Variants in SUGCT observed in about 807,000 individuals in gnomAD.
The protein encoded by SUGCT is succinyl-CoA:glutarate-CoA transferase, also known as succinyl-CoA:glutarate CoA-transferase.
SUGCT carries 41 observed loss-of-function variants against 55.0 expected under a neutral mutation model. The observed-to-expected ratio is 0.74, with a 90% CI of 0.58 to 0.97. SUGCT has a LOEUF of 0.97. Among genes scored for constraint, SUGCT ranks in the 50% least tolerant of loss-of-function variants. SUGCT has a pLI of 0.00. For synonymous variants in SUGCT, 187 were observed against 200.4 expected (o/e 0.93, Z 0.56); for missense variants, 568 against 547.8 (o/e 1.04, Z -0.37).
intron 8 of SUGCT, among the ~76,000 whole-genome samples, chr7:40,290,049 A>C (rs1456306196): frequency 6.6e-6 from 1 of 152,154 alleles, no homozygotes; most frequent in Non-Finnish European, 1.5e-5. Flanking sequence ...ATGGATAGGA[A>C]GAATCAATAT....
the SUGCT span, among the ~76,000 whole-genome samples, chr7:40,954,054 A>T: frequency 6.6e-6 from 1 of 152,178 alleles, no homozygotes; most frequent in Non-Finnish European, 1.5e-5. Flanking sequence ...CTAGAGGTGG[A>T]GTCTACAGAG....
intron 9 of SUGCT, among the ~76,000 whole-genome samples, chr7:40,327,417 G>C (rs542707357): frequency 6.6e-6 from 1 of 152,328 alleles, no homozygotes; most frequent in South Asian, 2.1e-4. Flanking sequence ...TCTTAGGAAA[G>C]ATTTGGCTGT....
chr7:40,810,922 T>G (rs1207861850), intron 13 of SUGCT, among the ~76,000 whole-genome samples: 1 of 152,340 alleles, frequency 6.6e-6, no homozygotes, highest in African/African-American at 2.4e-5. Flanking sequence ...TAATCCATCT[T>G]GAGTTAATTT....
At chr7:40,991,259 G>C in the SUGCT span, among the ~76,000 whole-genome samples, 1 of 152,156 alleles carries the variant, frequency 6.6e-6, no homozygotes, top group Non-Finnish European at 1.5e-5. Flanking sequence ...GGAGAATGCT[G>C]GTTGGTGGAG....
chr7:40,387,108 A>G (rs1044224244), intron 9 of SUGCT, among the ~76,000 whole-genome samples: 1 of 152,206 alleles, frequency 6.6e-6, no homozygotes, highest in Admixed American at 6.5e-5. Flanking sequence ...CTCTCTTCTC[A>G]GGAGGTAGGA....
chr7:40,624,216 C>T (rs1472011123), intron 12 of SUGCT, among the ~76,000 whole-genome samples: 1 of 152,134 alleles, frequency 6.6e-6, no homozygotes, highest in Non-Finnish European at 1.5e-5. Flanking sequence ...CCTCCTCCCC[C>T]AGTATCTTCC....
At chr7:40,394,055 A>G (rs1436333877) in intron 9 of SUGCT, among the ~76,000 whole-genome samples, 1 of 152,160 alleles carries the variant, frequency 6.6e-6, no homozygotes, top group Non-Finnish European at 1.5e-5. Flanking sequence ...GAAGACCTGA[A>G]CTTTATTCTT....
chr7:40,239,063 A>G (rs1789194217), intron 7 of SUGCT, among the ~76,000 whole-genome samples: 2 of 151,682 alleles, frequency 1.3e-5, no homozygotes, highest in African/African-American at 2.4e-5. Context: ...TTGTGATCCA[A>G]TCCCAGTGCT....
rs555737781 is a variant in SUGCT, at chr7:40,716,099, T to C, written c.1090-33335T>C. ...ATTTGGGCATTATAAGAGGAACTTG[T>C]GAACTCAATTGATGAGCTGGGTGGG... On this transcript the variant is annotated intron_variant, in intron 12 of 13. Transcript: ENST00000335693. Among the ~76,000 whole-genome samples the C allele has an allele frequency of 7.9e-5, 12 of 152,340 alleles. No individual in the cohort carries two copies. The South Asian group carries it at 2.5e-3, about 32-fold the overall frequency.
intron 9 of SUGCT, among the ~76,000 whole-genome samples, chr7:40,426,042 A>G (rs955151681): frequency 2.6e-5 from 4 of 152,202 alleles, no homozygotes; most frequent in African/African-American, 9.6e-5. Context: ...TTAATCACTT[A>G]ATAACTTAAA....
chr7:40,810,225 A>G (rs1186175481), intron 13 of SUGCT, among the ~76,000 whole-genome samples: 1 of 151,968 alleles, frequency 6.6e-6, no homozygotes, highest in East Asian at 1.9e-4. Context: ...TCCCAGGCCC[A>G]AGCAATCCTC....
chr7:40,570,308 T>A (rs964657711), intron 12 of SUGCT, among the ~76,000 whole-genome samples: 1 of 152,230 alleles, frequency 6.6e-6, no homozygotes, highest in Non-Finnish European at 1.5e-5. Flanking sequence ...TGAGTGCCCA[T>A]GCACTATCAG....
At chr7:40,911,718 C>G in the SUGCT span, among the ~76,000 whole-genome samples, 1 of 152,140 alleles carries the variant, frequency 6.6e-6, no homozygotes, top group Non-Finnish European at 1.5e-5. Flanking sequence ...CAATTAGTGA[C>G]AACCAAAAAT....
rs571112369 is a variant in SUGCT, at chr7:40,508,719, A to T, written c.1089+12333A>T. ...CAGAGAATTTCAGTTTAAAAAAAAAATTTTCACCAGAAAAATTGCTGTTTT... is the reference window on the plus strand; with the variant it reads ...CAGAGAATTTCAGTTTAAAAAAAAATTTTTCACCAGAAAAATTGCTGTTTT... On this transcript the variant is annotated intron_variant, in intron 12 of 13. Coordinates refer to ENST00000335693, the MANE Select transcript of SUGCT (RefSeq NM_001193313.2). Among the ~76,000 whole-genome samples, 123 of 152,146 alleles carry T rather than the reference A, an allele frequency of 8.1e-4. 1 individual carries two copies. Among genetic ancestry groups the T allele is most frequent in the Non-Finnish European group, 1.4e-3 (94 of 67,968 alleles).
chr7:40,740,012 T>C (rs1254503321), intron 12 of SUGCT, among the ~76,000 whole-genome samples: 1 of 152,170 alleles, frequency 6.6e-6, no homozygotes, highest in Non-Finnish European at 1.5e-5. Flanking sequence ...TTGGGATCTT[T>C]ACTATGTTGA....
In SUGCT at chr7:40,748,937, G is replaced by A. The variant is rs547154020; in HGVS notation, c.1090-497G>A. Among the ~76,000 whole-genome samples the A allele has an allele frequency of 6.8e-4, 104 of 152,220 alleles. 1 individual carries two copies. Among genetic ancestry groups the A allele is most frequent in the Non-Finnish European group, 1.3e-3 (91 of 68,004 alleles). ...AATCCTTCCACCTCCAGCAGTCACC[G>A]AGCCTTCTGGATACTCTGATTTATT... On this transcript the variant is annotated intron_variant, in intron 12 of 13. Coordinates refer to ENST00000335693, the MANE Select transcript of SUGCT (RefSeq NM_001193313.2).
chr7:40,405,491 G>C (rs924211888), intron 9 of SUGCT, among the ~76,000 whole-genome samples: 2 of 151,978 alleles, frequency 1.3e-5, no homozygotes, highest in African/African-American at 4.8e-5. Context: ...ACTTAGTATA[G>C]AAAATATTTT....
At chr7:40,684,436 A>C (rs1784382710) in intron 12 of SUGCT, among the ~76,000 whole-genome samples, 1 of 152,174 alleles carries the variant, frequency 6.6e-6, no homozygotes, top group African/African-American at 2.4e-5. Flanking sequence ...ATTTTAATCA[A>C]AGTAATTCAT....
intron 8 of SUGCT, among the ~76,000 whole-genome samples, chr7:40,303,959 C>T (rs141864174): frequency 2.0e-5 from 3 of 149,966 alleles, no homozygotes; most frequent in East Asian, 2.0e-4. Flanking sequence ...AGCCAGAAAT[C>T]GGCTAATTGA....
Sources: allele counts gnomAD v4.1 joint callset (sites outside exome capture counted in the v4.1 genomes callset), GRCh38; gene constraint gnomAD v4.1.1; transcripts MANE v1.5; gene names NCBI Gene and HGNC (gene_info 2026-07-23, HGNC 2026-07-21).